Variants in TMEM52B observed in about 807,000 individuals in gnomAD.
The protein encoded by TMEM52B is transmembrane protein 52B, also known as chromosome 12 open reading frame 59.
A neutral mutation model predicts 16.1 loss-of-function variants in TMEM52B; 11 were observed. The observed-to-expected ratio is 0.68, with a 90% CI of 0.43 to 1.13. TMEM52B has a LOEUF of 1.13. Among genes scored for constraint, TMEM52B ranks in the 50% most tolerant of loss-of-function variants. The probability of loss-of-function intolerance (pLI) is 0.00; values close to 1 mark genes in which losing one functional copy is unlikely to be tolerated. For synonymous variants in TMEM52B, 101 were observed against 93.8 expected (o/e 1.08, Z -0.45); for missense variants, 243 against 230.4 (o/e 1.05, Z -0.35).
rs1948958747 is a variant in TMEM52B at position 10,191,539 on chromosome 12, T to G, written c.*1399T>G. ...CCTGGCCTGAAATCTTTAAAGCCGTTTTTTCCCTAAAAAATGGGAAATAAT... is the reference window on the plus strand; with the variant it reads ...CCTGGCCTGAAATCTTTAAAGCCGTGTTTTCCCTAAAAAATGGGAAATAAT... On this transcript the variant is annotated 3_prime_UTR_variant, in exon 5 of 5. Transcript: ENST00000543484. 6.6e-6 allele frequency: 1 copy of G among 152,144 alleles called. No homozygotes were observed. The highest frequency in any genetic ancestry group is 2.4e-5 in the African/African-American group (1 of 41,424). 9.4% of individuals were successfully genotyped at this position (152,144 alleles called of 1,614,324 possible).
In TMEM52B at chr12:10,186,543, C is replaced by A; in HGVS notation, c.261C>A (p.Thr87=). The change falls in exon 4 of 5, where the codon ACC becomes ACA. Residue 87 remains threonine (T), a synonymous_variant. Transcript: ENST00000543484. ...GGGGCCCACCACCCTGTGAAGTGAC[C>A]GTCATTGCTTTCGATCACGACAGCA... ...EDGGPPPCEV[T]VIAFDHDSTL... is the part of the protein sequence containing the mutation. The A allele has an allele frequency of 6.2e-7, 1 of 1,608,034 alleles. No homozygotes were observed. The highest frequency in any genetic ancestry group is 8.5e-7 in the Non-Finnish European group (1 of 1,175,430).
intron 1 of TMEM52B, among the ~76,000 whole-genome samples, chr12:10,180,224 G>T (rs535489347): frequency 2.0e-5 from 3 of 151,374 alleles, no homozygotes; most frequent in Non-Finnish European, 4.4e-5. Context: ...AAGAAAACTG[G>T]ATAGTCTCAG....
intron 4 of TMEM52B, 142 bp downstream of exon 4, chr12:10,186,731 G>A (rs1453070950): frequency 2.3e-6 from 2 of 857,412 alleles, no homozygotes; most frequent in East Asian, 6.0e-5. Context: ...AAGCCTGATG[G>A]TGCAGTGACC....
chr12:10,189,326 A>G (rs1175153858), intron 4 of TMEM52B, among the ~76,000 whole-genome samples: 1 of 151,904 alleles, frequency 6.6e-6, no homozygotes, highest in Non-Finnish European at 1.5e-5. Context: ...GAGTTGCAGG[A>G]TGCAGAAACA....
chr12:10,174,816 C>G (rs1361563580), upstream of TMEM52B, among the ~76,000 whole-genome samples: 1 of 152,170 alleles, frequency 6.6e-6, no homozygotes, highest in African/African-American at 2.4e-5. Context: ...GCACCTCATA[C>G]TGGTGGAATC....
intron 2 of TMEM52B, among the ~76,000 whole-genome samples, chr12:10,183,653 A>C (rs1948848406): frequency 6.7e-6 from 1 of 149,914 alleles, no homozygotes; most frequent in East Asian, 1.9e-4. Flanking sequence ...TCTCCCATAC[A>C]ATCCCTATTT....
intron 1 of TMEM52B, chr12:10,182,125 C>A (rs1481860712): frequency 5.3e-5 from 52 of 984,372 alleles, no homozygotes; most frequent in Non-Finnish European, 6.1e-5. Flanking sequence ...GGCCCCCTCG[C>A]TTTTCCCCTT....
At chr12:10,184,275 T>C (rs999804245) in intron 2 of TMEM52B, among the ~76,000 whole-genome samples, 18 of 152,204 alleles carry the variant, frequency 1.2e-4, no homozygotes, top group African/African-American at 4.3e-4. Context: ...TAATATTCTT[T>C]GTAATAAACT....
intron 2 of TMEM52B, among the ~76,000 whole-genome samples, chr12:10,182,832 C>T (rs1011400232): frequency 3.9e-5 from 6 of 152,200 alleles, no homozygotes; most frequent in South Asian, 2.1e-4. Flanking sequence ...CAAAGCAGCA[C>T]GATTAATCTC....
intron 1 of TMEM52B, chr12:10,171,990 C>A: frequency 6.2e-7 from 1 of 1,602,702 alleles, no homozygotes; most frequent in Non-Finnish European, 8.5e-7. Flanking sequence ...CACATTTTCC[C>A]ATCCCTAGTA....
chr12:10,183,163 A>T (rs1280407913), intron 2 of TMEM52B, among the ~76,000 whole-genome samples: 1 of 152,228 alleles, frequency 6.6e-6, no homozygotes, highest in Non-Finnish European at 1.5e-5. Context: ...GTAAAATACA[A>T]ATTTTAAAAA....
intron 1 of TMEM52B, among the ~76,000 whole-genome samples, chr12:10,172,696 C>G (rs1948733508): frequency 6.6e-6 from 1 of 152,156 alleles, no homozygotes; most frequent in Non-Finnish European, 1.5e-5. Flanking sequence ...AACGTAGCAG[C>G]AGAGAGCACT....
At chr12:10,189,058 A>C (rs891553264) in intron 4 of TMEM52B, among the ~76,000 whole-genome samples, 9 of 139,724 alleles carry the variant, frequency 6.4e-5, no homozygotes, top group Non-Finnish European at 1.2e-4. Flanking sequence ...AAAATTAGCC[A>C]GGCACGTTGG....
At chr12:10,176,783 T>C (rs1360140152), upstream of TMEM52B, among the ~76,000 whole-genome samples, 1 of 152,192 alleles carries the variant, frequency 6.6e-6, no homozygotes, top group Non-Finnish European at 1.5e-5. Flanking sequence ...ATTACTACTA[T>C]TACCCCCATT....
intron 1 of TMEM52B, chr12:10,172,291 G>A: frequency 2.1e-6 from 1 of 487,274 alleles, no homozygotes; most frequent in East Asian, 3.2e-5. Flanking sequence ...GGAGAAAGTG[G>A]TGATTCTGAA....
Position 10,191,656 on chromosome 12 carries a change from A to C in TMEM52B, c.*1516A>C, listed in dbSNP as rs553464303. ...TATGCATATGTATGTTATTCTTCCT[A>C]CTGTCTTCTAACCTTCCCTTGCCTG... On this transcript the variant is annotated 3_prime_UTR_variant, in exon 5 of 5. Transcript: ENST00000543484. 13 of 152,290 alleles carry C rather than the reference A, an allele frequency of 8.5e-5. No homozygotes were observed. The highest frequency in any genetic ancestry group is 2.9e-4 in the African/African-American group (12 of 41,564). The allele number at this position is 152,290 out of a possible 1,614,324, so 9.4% of individuals were successfully genotyped here.
intron 1 of TMEM52B, among the ~76,000 whole-genome samples, chr12:10,181,505 T>G (rs1415196112): frequency 6.6e-6 from 1 of 151,220 alleles, no homozygotes; most frequent in Non-Finnish European, 1.5e-5. Context: ...AATTTTTGTA[T>G]TTTTCGTAGA....
At chr12:10,184,764 T>G (rs1467390360) in intron 2 of TMEM52B, among the ~76,000 whole-genome samples, 1 of 152,230 alleles carries the variant, frequency 6.6e-6, no homozygotes, top group Non-Finnish European at 1.5e-5. Context: ...ACCTCAAATA[T>G]ACACAAGCCT....
At chr12:10,186,858 AGT>A (rs1474123335) in intron 4 of TMEM52B, among the ~76,000 whole-genome samples, 24 of 152,222 alleles carry the variant, frequency 1.6e-4, no homozygotes, top group African/African-American at 5.5e-4. Context: ...GTTTATAAAT[AGT>A]TACTTTGCTA....
Sources: gnomAD v4.1 joint callset for allele counts (sites outside exome capture counted in the v4.1 genomes callset) on GRCh38, gnomAD v4.1.1 for gene constraint, MANE v1.5 for transcripts, NCBI Gene and HGNC (gene_info 2026-07-23, HGNC 2026-07-21) for gene names.